Variants in STXBP5L observed in about 807,000 individuals in gnomAD.
The protein encoded by STXBP5L is syntaxin binding protein 5L, also known as syntaxin-binding protein 5-like.
A neutral mutation model predicts 144.5 loss-of-function variants in STXBP5L; 65 were observed. That is an observed-to-expected ratio of 0.45 (90% CI 0.37 to 0.55). The LOEUF is 0.55. Among genes scored for constraint, STXBP5L ranks in the 20% least tolerant of loss-of-function variants. The pLI, the probability that STXBP5L is intolerant of heterozygous loss-of-function variation, is 0.00. For synonymous variants in STXBP5L, 505 were observed against 469.6 expected (o/e 1.08, Z -0.97); for missense variants, 1,298 against 1,405.5 (o/e 0.92, Z 1.22).
chr3:121,094,518 A>G (rs1340775773), intron 5 of STXBP5L, among the ~76,000 whole-genome samples: 1 of 151,964 alleles, frequency 6.6e-6, no homozygotes, highest in Non-Finnish European at 1.5e-5. Flanking sequence ...TCCCTTTACC[A>G]TTATGTAATG....
In STXBP5L at chr3:121,148,450, T is replaced by C. The variant is rs544876189; in HGVS notation, c.670-4027T>C. Among the ~76,000 whole-genome samples, 7 of 152,260 alleles carry C rather than the reference T, an allele frequency of 4.6e-5. No homozygotes were observed. The South Asian group carries it at 1.2e-3, about 27-fold the overall frequency. ...CCTTCTCTTCATTATAAAAATCTCT[T>C]GGTACACTAGGGAAAGAAAGGAATT... On this transcript the variant is annotated intron_variant, in intron 7 of 26. Transcript: ENST00000471454.
chr3:121,196,982 C>G (rs1470922185), intron 9 of STXBP5L, among the ~76,000 whole-genome samples: 1 of 152,128 alleles, frequency 6.6e-6, no homozygotes, highest in Non-Finnish European at 1.5e-5. Flanking sequence ...TGGGCTCAGC[C>G]TTTTTTTCTT....
chr3:121,288,304 A>G (rs1253495576), intron 19 of STXBP5L, among the ~76,000 whole-genome samples: 2 of 152,220 alleles, frequency 1.3e-5, no homozygotes, highest in Non-Finnish European at 1.5e-5. Context: ...AAACATACGC[A>G]TGCATGTGTT....
intron 9 of STXBP5L, among the ~76,000 whole-genome samples, chr3:121,185,791 G>A (rs2047354877): frequency 2.0e-5 from 3 of 151,108 alleles, no homozygotes; most frequent in African/African-American, 4.9e-5. Context: ...GCCCTTTTTG[G>A]TTCCATATGA....
chr3:120,980,311 G>T (rs768043538), intron 3 of STXBP5L, among the ~76,000 whole-genome samples: 1 of 152,154 alleles, frequency 6.6e-6, no homozygotes, highest in African/African-American at 2.4e-5. Context: ...AATGCTGTCA[G>T]TGGGGTGTTG....
Position 121,073,744 on chromosome 3 carries a change from A to T in STXBP5L, c.470+28209A>T, listed in dbSNP as rs538319060. 6.0e-4 allele frequency among the ~76,000 whole-genome samples: 92 copies of T among 152,150 alleles called. 1 individual carries two copies. The highest frequency in any genetic ancestry group is 5.2e-3 in the Admixed American group (80 of 15,284). ...CGCCCCAGCTTTGGTAGCCTTATAC[A>T]ATGGTTTTGCCAAAAGCGAGTAATT... On this transcript the variant is annotated intron_variant, in intron 5 of 26. Coordinates refer to ENST00000471454, the MANE Select transcript of STXBP5L (RefSeq NM_001308330.2).
chr3:121,093,178 A>G (rs1386531810), intron 5 of STXBP5L, among the ~76,000 whole-genome samples: 2 of 152,126 alleles, frequency 1.3e-5, no homozygotes, highest in Non-Finnish European at 2.9e-5. Flanking sequence ...GTTTGCCAGT[A>G]TTTTATTGAG....
At chr3:120,966,713 C>G (rs1400199075) in intron 3 of STXBP5L, among the ~76,000 whole-genome samples, 1 of 152,084 alleles carries the variant, frequency 6.6e-6, no homozygotes, top group Admixed American at 6.6e-5. Flanking sequence ...GAGGTGTTGG[C>G]CCCTACTGGG....
intron 5 of STXBP5L, chr3:121,049,806 G>T (rs922704017): frequency 1.9e-5 from 3 of 153,854 alleles, no homozygotes; most frequent in African/African-American, 7.2e-5. Context: ...ATCTGCTGGT[G>T]TTGAGGTGCC....
At chr3:120,999,831 C>T (rs560691148) in intron 3 of STXBP5L, among the ~76,000 whole-genome samples, 84 of 139,650 alleles carry the variant, frequency 6.0e-4, no homozygotes, top group Middle Eastern at 4.0e-3. Flanking sequence ...CTTTATTTGT[C>T]TCCTTTATTT....
chr3:121,297,762 A>G (rs1197842932), intron 19 of STXBP5L, among the ~76,000 whole-genome samples: 2 of 152,236 alleles, frequency 1.3e-5, no homozygotes, highest in African/African-American at 4.8e-5. Context: ...CCCAACCGCC[A>G]AAAGAATATA....
chr3:121,412,238 C>A (rs2047128820), intron 23 of STXBP5L, among the ~76,000 whole-genome samples: 2 of 152,142 alleles, frequency 1.3e-5, no homozygotes, highest in Non-Finnish European at 2.9e-5. Context: ...CTTCCTGTTT[C>A]TAACACTGAG....
intron 11 of STXBP5L, among the ~76,000 whole-genome samples, chr3:121,231,840 A>AT (rs2049319575): frequency 6.6e-6 from 1 of 152,186 alleles, no homozygotes; most frequent in Admixed American, 6.5e-5. Context: ...CTTAAGCCAA[A>AT]TATTACTGCT....
chr3:121,093,812 A>G (rs1167922863), intron 5 of STXBP5L, among the ~76,000 whole-genome samples: 1 of 152,126 alleles, frequency 6.6e-6, no homozygotes, highest in Non-Finnish European at 1.5e-5. Flanking sequence ...GCCTTCTGCT[A>G]GCTTTTGAAT....
At chr3:120,976,532 GTC>G (rs1333693775) in intron 3 of STXBP5L, among the ~76,000 whole-genome samples, 1 of 152,030 alleles carries the variant, frequency 6.6e-6, no homozygotes, top group Non-Finnish European at 1.5e-5. Context: ...GGTTTTTTAT[GTC>G]TCTATCTCCT....
intron 3 of STXBP5L, among the ~76,000 whole-genome samples, chr3:120,994,185 T>G (rs1368767335): frequency 1.3e-5 from 2 of 152,112 alleles, no homozygotes; most frequent in African/African-American, 4.8e-5. Flanking sequence ...GTTCTAAGAA[T>G]TTTTTGGTGC....
chr3:121,147,470 C>T (rs2045760469), intron 7 of STXBP5L, among the ~76,000 whole-genome samples: 1 of 151,940 alleles, frequency 6.6e-6, no homozygotes, highest in South Asian at 2.1e-4. Flanking sequence ...AGCTGTGCCT[C>T]CAGGAAAATT....
chr3:121,399,140 ATTATACTC>A (rs2046808066), intron 22 of STXBP5L, among the ~76,000 whole-genome samples: 1 of 152,058 alleles, frequency 6.6e-6, no homozygotes, highest in Non-Finnish European at 1.5e-5. Flanking sequence ...TCTGTACTTC[ATTATACTC>A]TCCTTCCTCC....
chr3:120,946,394 C>T (rs1225722697), intron 2 of STXBP5L, among the ~76,000 whole-genome samples: 1 of 151,634 alleles, frequency 6.6e-6, no homozygotes, highest in Non-Finnish European at 1.5e-5. Context: ...ATTTTCCAAT[C>T]AGTCAGAAGG....
Sources: allele counts gnomAD v4.1 joint callset (sites outside exome capture counted in the v4.1 genomes callset), GRCh38; gene constraint gnomAD v4.1.1; transcripts MANE v1.5; gene names NCBI Gene and HGNC (gene_info 2026-07-23, HGNC 2026-07-21).